The following FXYD5 variants were observed in gnomAD, a reference collection of about 807,000 sequenced individuals.
The protein encoded by FXYD5 is FXYD domain containing ion transport regulator 5, also known as FXYD domain-containing ion transport regulator 5.
A neutral mutation model predicts 25.7 loss-of-function variants in FXYD5; 21 were observed. The observed-to-expected ratio is 0.82, with a 90% CI of 0.58 to 1.18. The LOEUF (loss-of-function observed/expected upper bound fraction) is 1.18, where lower values mean the gene tolerates loss of function less well. Ranked by LOEUF, FXYD5 falls within the 50% of genes most tolerant of loss-of-function variation. The pLI is 0.00. For missense variants in FXYD5, 229 were observed against 227.7 expected, an observed-to-expected ratio of 1.01 and a Z score of -0.04; for synonymous variants, 101 against 90.7, an observed-to-expected ratio of 1.11 and a Z score of -0.64.
chr19:35,159,548 T>C (rs899829113), intron 4 of FXYD5: 1 of 1,550,624 alleles, frequency 6.4e-7, no homozygotes, highest in Admixed American at 2.0e-5. Flanking sequence ...AGTCACACAC[T>C]TCTTGATGAA....
intron 8 of FXYD5, among the ~76,000 whole-genome samples, chr19:35,166,986 C>T (rs2065456555): frequency 1.3e-5 from 2 of 152,198 alleles, no homozygotes. Context: ...GAGGAGATAA[C>T]TGAGGATTAA....
chr19:35,165,703 C>T (rs928049200), intron 6 of FXYD5, among the ~76,000 whole-genome samples: 2 of 152,092 alleles, frequency 1.3e-5, no homozygotes, highest in South Asian at 4.1e-4. Context: ...GGTTCAAACA[C>T]CCCTGACATG....
At chr19:35,166,372 A>T (rs1319037692) in intron 8 of FXYD5, 47 bp downstream of exon 8, 1 of 1,252,324 alleles carries the variant, frequency 8.0e-7, no homozygotes, top group African/African-American at 1.5e-5. Context: ...CAGGAGGGGG[A>T]CTTATGACGG....
At chr19:35,164,665 C>T (rs913214316) in intron 6 of FXYD5, among the ~76,000 whole-genome samples, 6 of 152,112 alleles carry the variant, frequency 3.9e-5, no homozygotes, top group Non-Finnish European at 5.9e-5. Context: ...GCCCAGTCAG[C>T]CCCCCAGTGA....
At chr19:35,165,156 C>T (rs2065439752) in intron 6 of FXYD5, among the ~76,000 whole-genome samples, 1 of 151,984 alleles carries the variant, frequency 6.6e-6, no homozygotes. Flanking sequence ...TTGGATCTTG[C>T]ACAAAAAAAG....
In FXYD5 at chr19:35,158,347, CAGTCT is replaced by C; in HGVS notation, c.148_152del (p.Val50HisfsTer15). Reference sequence around the variant, plus strand: ...ACTCCTTGTTTCTGGACTCCAGATGCAGTCTACACAGAACTCCAGCCCACCTCTCC... The same window carrying C: ...ACTCCTTGTTTCTGGACTCCAGATGCACACAGAACTCCAGCCCACCTCTCC... On this transcript the variant is annotated frameshift_variant, in exon 4 of 9. Transcript: ENST00000392219. LOFTEE classifies it high-confidence loss of function. The C allele has an allele frequency of 1.2e-6, 2 of 1,602,656 alleles. No individual in the cohort carries two copies. Among genetic ancestry groups the C allele is most frequent in the Non-Finnish European group, 1.7e-6 (2 of 1,169,674 alleles).
chr19:35,166,777 T>C (rs987902081), intron 8 of FXYD5: 7 of 182,368 alleles, frequency 3.8e-5, no homozygotes, highest in African/African-American at 7.0e-5. Context: ...AAGCAAGTCA[T>C]GAGGCTGGGT....
chr19:35,156,961 GCACTGACCACA>G (rs1203502090), intron 2 of FXYD5: 1 of 166,984 alleles, frequency 6.0e-6, no homozygotes, highest in Non-Finnish European at 1.3e-5. Context: ...GAGTTATCCA[GCACTGACCACA>G]TGGTAAGCCG....
intron 1 of FXYD5, 153 bp from the exon 2 acceptor site, chr19:35,155,398 T>C (rs886119083): frequency 1.8e-5 from 12 of 666,696 alleles, no homozygotes; most frequent in Non-Finnish European, 3.0e-5. Context: ...ACCCTCCCCT[T>C]TCCCCTGAGG....
intron 5 of FXYD5, among the ~76,000 whole-genome samples, chr19:35,163,191 C>A (rs902848827): frequency 6.6e-6 from 1 of 152,246 alleles, no homozygotes; most frequent in Admixed American, 6.5e-5. Flanking sequence ...TGCCGTGGAT[C>A]TGGCTTATAC....
intron 2 of FXYD5, among the ~76,000 whole-genome samples, chr19:35,156,679 G>A (rs1418756002): frequency 1.3e-5 from 2 of 152,182 alleles, no homozygotes; most frequent in Non-Finnish European, 2.9e-5. Flanking sequence ...AAGGGGCAGA[G>A]TGGGATGACG....
intron 3 of FXYD5, among the ~76,000 whole-genome samples, chr19:35,158,130 C>T (rs772796099): frequency 6.6e-6 from 1 of 152,170 alleles, no homozygotes; most frequent in African/African-American, 2.4e-5. Flanking sequence ...GAAGAAGGAG[C>T]TGTAGTGTGG....
At chr19:35,160,232 A>G (rs531114707) in intron 4 of FXYD5, among the ~76,000 whole-genome samples, 1 of 152,262 alleles carries the variant, frequency 6.6e-6, no homozygotes, top group East Asian at 1.9e-4. Flanking sequence ...AGTAAAAATA[A>G]AAGTTCCCCT....
At chr19:35,156,174 CTG>C (rs2065353823) in intron 2 of FXYD5, among the ~76,000 whole-genome samples, 1 of 152,188 alleles carries the variant, frequency 6.6e-6, no homozygotes, top group Non-Finnish European at 1.5e-5. Flanking sequence ...GATGAGGAAA[CTG>C]AGGCTCAGCG....
intron 4 of FXYD5, 116 bp from the exon 5 acceptor site, chr19:35,160,593 G>T (rs556370771): frequency 2.8e-6 from 2 of 707,920 alleles, no homozygotes; most frequent in Admixed American, 3.9e-5. Flanking sequence ...TAATCTGCCC[G>T]CCTCGGCCTC....
At position 35,169,589 on chromosome 19, in the gene FXYD5, C is replaced by T. The variant is rs754848543; in HGVS notation, c.511C>T (p.Arg171Trp). Residue 171 changes from arginine (R) to tryptophan (W), a missense_variant, in exon 9 of 9, where the codon CGG becomes TGG. Transcript: ENST00000392219. ...LTSGKCRQLS[R>W]LCRNRCR is the part of the protein sequence containing the mutation. ...AGGTGGCAAGTGCAGGCAGCTGTCC[C>T]GGTTATGCCGGAATCGTTGCAGGTG... The T allele has an allele frequency of 1.3e-5, 21 of 1,611,412 alleles. No individual in the cohort carries two copies. The highest frequency in any genetic ancestry group is 1.4e-5 in the Non-Finnish European group (16 of 1,177,538).
intron 2 of FXYD5, among the ~76,000 whole-genome samples, chr19:35,156,642 C>T (rs2065358429): frequency 1.3e-5 from 2 of 152,018 alleles, no homozygotes; most frequent in African/African-American, 2.4e-5. Context: ...GAATAGCAGG[C>T]AGGTGGGGTG....
intron 5 of FXYD5, among the ~76,000 whole-genome samples, chr19:35,161,577 G>A (rs148026495): frequency 0.012 from 1,827 of 152,330 alleles, 18 homozygotes; most frequent in South Asian, 0.051. Flanking sequence ...CATTGGTCAG[G>A]CCTGAGTCTT....
chr19:35,163,562 A>T (rs1438596987), intron 5 of FXYD5, among the ~76,000 whole-genome samples: 1 of 151,874 alleles, frequency 6.6e-6, no homozygotes, highest in Non-Finnish European at 1.5e-5. Context: ...GCTCACTGCA[A>T]TCTCCACCTC....
Sources: allele counts gnomAD v4.1 joint callset (sites outside exome capture counted in the v4.1 genomes callset), GRCh38; gene constraint gnomAD v4.1.1; transcripts MANE v1.5; gene names NCBI Gene and HGNC (gene_info 2026-07-23, HGNC 2026-07-21).